PLCE1: variants seen among roughly 807,000 people sequenced by gnomAD.
PLCE1 encodes 1-phosphatidylinositol 4,5-bisphosphate phosphodiesterase epsilon-1.
Under a neutral mutation model 242.8 loss-of-function variants are expected in PLCE1, and 119 were observed. The observed-to-expected ratio is 0.49, with a 90% confidence interval of 0.42 to 0.57. The LOEUF is 0.57. PLCE1 is among the 20% of genes least tolerant of loss of function. The pLI is 0.00. For synonymous variants in PLCE1, 945 were observed against 1,017.4 expected (o/e 0.93, Z 1.35); for missense variants, 2,441 against 2,788.8 (o/e 0.88, Z 2.81).
intron 30 of PLCE1, among the ~76,000 whole-genome samples, chr10:94,322,260 A>ATTACTT (rs2053838357): frequency 6.6e-6 from 1 of 152,020 alleles, no homozygotes; most frequent in African/African-American, 2.4e-5. Flanking sequence ...AAGCTGAGGC[A>ATTACTT]GGAGGATTAC....
In PLCE1 at chr10:94,298,679, C is replaced by G. The variant is rs771965999; in HGVS notation, c.5458+10C>G. 1.2e-5 allele frequency: 20 copies of G among 1,613,874 alleles called. No individual in the cohort carries two copies. In the Admixed American group the frequency reaches 2.5e-4, roughly 20 times the overall value. On this transcript the variant is annotated intron_variant, in intron 24 of 32. Transcript: ENST00000371380. The surrounding 1 kb of genome is among the most constrained non-coding windows in gnomAD (Gnocchi z 5.2). ...AACTACCAGACTGATGGTAAGGGGC[C>G]TGCATGCTCACCTCGCTCCTTTGCA...
chr10:94,195,760 C>A (rs939883040), intron 4 of PLCE1, among the ~76,000 whole-genome samples: 1 of 151,996 alleles, frequency 6.6e-6, no homozygotes, highest in African/African-American at 2.4e-5. Flanking sequence ...GATATGAAAT[C>A]CTGACTTTTG....
chr10:94,087,173 C>T (rs945529602), intron 2 of PLCE1, among the ~76,000 whole-genome samples: 29 of 151,590 alleles, frequency 1.9e-4, no homozygotes, highest in Non-Finnish European at 3.4e-4. Flanking sequence ...CATAGTGAGA[C>T]CCTGTTGCTA....
chr10:94,183,059 C>T (rs1199355817), intron 4 of PLCE1, among the ~76,000 whole-genome samples: 1 of 152,198 alleles, frequency 6.6e-6, no homozygotes, highest in Non-Finnish European at 1.5e-5. Context: ...TGGGAAAGAT[C>T]AGGTCAGCTT....
chr10:94,332,572 CGTAT>C lies in PLCE1; in HGVS notation c.*4633_*4636del, dbSNP rs779389618. On this transcript the variant is annotated 3_prime_UTR_variant, in exon 33 of 33. Transcript: ENST00000371380. ...GTTTAAACATAAGCTTACATATAAG[CGTAT>C]GTAAGTTAATGCACAAATATATTTC... The C allele has an allele frequency of 4.0e-5, 6 of 148,552 alleles. No individual in the cohort carries two copies. The East Asian group carries it at 1.2e-3, about 30-fold the overall frequency. 9.2% of individuals were successfully genotyped at this position (148,552 alleles called of 1,614,324 possible). A position where few individuals can be genotyped will look rare whatever the true frequency, so the allele number is the denominator to read the frequency against.
chr10:94,141,679 A>AAGAAGGAAGGGAGGGAG (rs2046978470), intron 3 of PLCE1, among the ~76,000 whole-genome samples: 1 of 130,070 alleles, frequency 7.7e-6, no homozygotes, highest in South Asian at 3.2e-4. Context: ...GGAGGAAAGA[A>AAGAAGGAAGGGAGGGAG]AGAAGGAAGG....
rs758609545 is a variant in PLCE1, at chr10:94,279,795, C to T, written c.4679C>T (p.Ala1560Val). 1 of 1,613,672 alleles carries T rather than the reference C, an allele frequency of 6.2e-7. No individual in the cohort carries two copies. The highest frequency in any genetic ancestry group is 2.2e-5 in the East Asian group (1 of 44,868). The change falls in exon 20 of 33, where the codon GCA (alanine) becomes GTA (valine). Residue 1560 changes from alanine to valine, a missense_variant. Ala to Val is a moderately conservative substitution (Grantham distance 64). Around this residue, in one of 5 missense-constraint regions of PLCE1, gnomAD observed 1,004 missense variants for 1,322.7 expected, o/e 0.76. Coordinates refer to ENST00000371380, the MANE Select transcript of PLCE1 (RefSeq NM_016341.4). ...GCTATTTTACAGGCTCATCAGTTAGCATCTATGCAAGTGCAGGCTTATAAT... is the reference window on the plus strand; with the variant it reads ...GCTATTTTACAGGCTCATCAGTTAGTATCTATGCAAGTGCAGGCTTATAAT... ...DILKQKAHQL[A>V]SMQVQAYNGG...
intron 3 of PLCE1, among the ~76,000 whole-genome samples, chr10:94,136,596 T>C (rs149604338): frequency 6.6e-6 from 1 of 152,310 alleles, no homozygotes; most frequent in Admixed American, 6.5e-5. Flanking sequence ...AGTTGATCGT[T>C]ATTCACAAGT....
chr10:94,184,191 G>A (rs1420461788), intron 4 of PLCE1, among the ~76,000 whole-genome samples: 6 of 152,162 alleles, frequency 3.9e-5, no homozygotes, highest in Middle Eastern at 3.4e-3. Flanking sequence ...CCCAACAATC[G>A]GGGTGATCAT....
intron 4 of PLCE1, among the ~76,000 whole-genome samples, chr10:94,191,306 C>G (rs2048658659): frequency 6.6e-6 from 1 of 152,036 alleles, no homozygotes; most frequent in African/African-American, 2.4e-5. Context: ...AGGACCCCCC[C>G]TGCCCCAAAC....
chr10:93,997,565 T>C lies in PLCE1; in HGVS notation c.-365+3307T>C, dbSNP rs147340528. Among the ~76,000 whole-genome samples the C allele has an allele frequency of 5.7e-3, 870 of 151,876 alleles. 9 individuals carry two copies. The highest frequency in any genetic ancestry group is 0.019 in the African/African-American group (806 of 41,366). ...GTCAAAGTGGGCTGTCTCCAGAGTC[T>C]GTTCTCTTGATCACTGTGCTATCCT... On this transcript the variant is annotated intron_variant, in intron 1 of 32. Transcript: ENST00000371380.
intron 4 of PLCE1, among the ~76,000 whole-genome samples, chr10:94,176,641 A>G (rs887371951): frequency 3.9e-5 from 6 of 152,160 alleles, no homozygotes; most frequent in African/African-American, 1.4e-4. Context: ...TATTAGCTCC[A>G]TTGCCGGTGC....
intron 1 of PLCE1, among the ~76,000 whole-genome samples, chr10:94,026,707 A>C (rs961804483): frequency 1.3e-5 from 2 of 152,220 alleles, no homozygotes; most frequent in Admixed American, 1.3e-4. Flanking sequence ...TGTGGAAAGT[A>C]TATCTCAAAA....
intron 4 of PLCE1, among the ~76,000 whole-genome samples, chr10:94,205,749 T>C (rs981833690): frequency 3.3e-5 from 5 of 152,218 alleles, no homozygotes; most frequent in Non-Finnish European, 7.3e-5. Flanking sequence ...CAACTAGAAT[T>C]ATGTGTCAGA....
intron 2 of PLCE1, among the ~76,000 whole-genome samples, chr10:94,096,041 G>A (rs1435909886): frequency 6.6e-6 from 1 of 151,998 alleles, no homozygotes; most frequent in East Asian, 1.9e-4. Context: ...TCCTTATTTG[G>A]GCCGTGACTT....
At chr10:94,063,642 A>G (rs917679060) in intron 2 of PLCE1, among the ~76,000 whole-genome samples, 2 of 152,184 alleles carry the variant, frequency 1.3e-5, no homozygotes, top group Non-Finnish European at 2.9e-5. Flanking sequence ...CTGGGAGTAC[A>G]GTGGCAAACA....
chr10:94,006,029 A>T (rs553629678), intron 1 of PLCE1, among the ~76,000 whole-genome samples: 3 of 152,332 alleles, frequency 2.0e-5, no homozygotes, highest in South Asian at 2.1e-4. Flanking sequence ...TGCCTTCTAA[A>T]TATCTCTGTA....
intron 7 of PLCE1, among the ~76,000 whole-genome samples, chr10:94,244,142 G>A (rs1460950342): frequency 6.6e-6 from 1 of 152,042 alleles, no homozygotes; most frequent in African/African-American, 2.4e-5. Flanking sequence ...CCACGTGTGG[G>A]GCAAGGATGT....
chr10:94,138,131 A>G (rs1262783695), intron 3 of PLCE1: 1 of 382,658 alleles, frequency 2.6e-6, no homozygotes, highest in African/African-American at 2.1e-5. Context: ...AGACATCACC[A>G]TGAACCAGAC....
Sources: allele counts gnomAD v4.1 joint callset (sites outside exome capture counted in the v4.1 genomes callset), GRCh38; gene constraint gnomAD v4.1.1; regional missense constraint gnomAD v4.1.1; non-coding constraint Gnocchi (gnomAD v3.1); transcripts MANE v1.5; gene names NCBI Gene and HGNC (gene_info 2026-07-23, HGNC 2026-07-21).